Variants in PIP4K2A observed in about 807,000 individuals in gnomAD.
PIP4K2A encodes phosphatidylinositol 5-phosphate 4-kinase type-2 alpha.
A neutral mutation model predicts 42.9 loss-of-function variants in PIP4K2A; 14 were observed. The observed-to-expected ratio is 0.33, with a 90% CI of 0.22 to 0.51. The LOEUF is 0.51. Among genes scored for constraint, PIP4K2A ranks in the 20% least tolerant of loss-of-function variants. PIP4K2A has a pLI of 0.97. For missense variants in PIP4K2A, 434 were observed against 519.8 expected, an observed-to-expected ratio of 0.83 and a Z score of 1.61; for synonymous variants, 192 against 192.2, an observed-to-expected ratio of 1.00 and a Z score of 0.01.
chr10:22,631,558 C>T (rs1001025386), intron 1 of PIP4K2A, among the ~76,000 whole-genome samples: 9 of 152,106 alleles, frequency 5.9e-5, no homozygotes, highest in African/African-American at 1.9e-4. Flanking sequence ...TTATTTAAGC[C>T]GTCCAACTGA....
In PIP4K2A at chr10:22,537,299, AAGG is replaced by A. The variant is rs1057482030; in HGVS notation, c.1141-21_1141-19del. 2 of 1,566,736 alleles carry A rather than the reference AAGG, an allele frequency of 1.3e-6. No individual in the cohort carries two copies. Among genetic ancestry groups the A allele is most frequent in the African/African-American group, 2.7e-5 (2 of 73,450 alleles). ...GCGCCAGCCTGGGCAGTTTTTAAAAAAGGAAATATTGACATAGTGTTTATGATT... is the reference window on the plus strand; with the variant it reads ...GCGCCAGCCTGGGCAGTTTTTAAAAAAAATATTGACATAGTGTTTATGATT... On this transcript the variant is annotated intron_variant, in intron 9 of 9. Coordinates refer to ENST00000376573, the MANE Select transcript of PIP4K2A (RefSeq NM_005028.5).
At chr10:22,595,407 G>A (rs1177039306) in intron 3 of PIP4K2A, among the ~76,000 whole-genome samples, 1 of 152,198 alleles carries the variant, frequency 6.6e-6, no homozygotes, top group Non-Finnish European at 1.5e-5. Flanking sequence ...AAGTAAAATT[G>A]TTTATGTATT....
intron 1 of PIP4K2A, among the ~76,000 whole-genome samples, chr10:22,657,587 G>A (rs1460810095): frequency 6.6e-6 from 1 of 152,176 alleles, no homozygotes. Flanking sequence ...GAAAAAAACA[G>A]GCTGAAACCA....
chr10:22,616,087 T>G (rs1271659718), intron 1 of PIP4K2A, among the ~76,000 whole-genome samples: 1 of 152,108 alleles, frequency 6.6e-6, no homozygotes, highest in Non-Finnish European at 1.5e-5. Flanking sequence ...TAAAGCAGCT[T>G]TGTTGTCTGC....
At chr10:22,683,734 G>A (rs1276217540) in intron 1 of PIP4K2A, among the ~76,000 whole-genome samples, 2 of 151,650 alleles carry the variant, frequency 1.3e-5, no homozygotes, top group Non-Finnish European at 2.9e-5. Flanking sequence ...AGACTGCAGC[G>A]TCCCTCCTGA....
intron 1 of PIP4K2A, among the ~76,000 whole-genome samples, chr10:22,677,751 AAC>A (rs1382905766): frequency 3.0e-4 from 46 of 152,240 alleles, no homozygotes; most frequent in African/African-American, 1.0e-3. Flanking sequence ...GGCAAGCAGT[AAC>A]ACAGATTCTT....
At chr10:22,648,191 G>T (rs940721646) in intron 1 of PIP4K2A, among the ~76,000 whole-genome samples, 4 of 151,924 alleles carry the variant, frequency 2.6e-5, no homozygotes, top group Admixed American at 2.6e-4. Flanking sequence ...TCCTGCAAAG[G>T]TTGTATCTTA....
chr10:22,545,418 G>C (rs962115934), intron 7 of PIP4K2A, among the ~76,000 whole-genome samples: 5 of 152,238 alleles, frequency 3.3e-5, no homozygotes, highest in African/African-American at 1.2e-4. Flanking sequence ...GGACAACTGG[G>C]ACTGGCCAGC....
intron 1 of PIP4K2A, among the ~76,000 whole-genome samples, chr10:22,633,927 C>T (rs1456171701): frequency 1.3e-5 from 2 of 152,186 alleles, no homozygotes; most frequent in Non-Finnish European, 2.9e-5. Flanking sequence ...TGAGGAAAAA[C>T]GGAGTCCACA....
intron 2 of PIP4K2A, among the ~76,000 whole-genome samples, chr10:22,608,829 A>G (rs1304040219): frequency 2.6e-5 from 4 of 152,134 alleles, no homozygotes; most frequent in Non-Finnish European, 5.9e-5. Flanking sequence ...GTGAGATATA[A>G]TTTCACCACT....
chr10:22,640,922 T>C (rs1838771634), intron 1 of PIP4K2A, among the ~76,000 whole-genome samples: 1 of 152,014 alleles, frequency 6.6e-6, no homozygotes, highest in Non-Finnish European at 1.5e-5. Context: ...AAAAAAGTAA[T>C]AAACAGTTCT....
intron 1 of PIP4K2A, among the ~76,000 whole-genome samples, chr10:22,651,203 G>A (rs1838989159): frequency 6.6e-6 from 1 of 152,136 alleles, no homozygotes. Context: ...CACTAAGTCT[G>A]TCCACCAAGC....
chr10:22,671,745 T>TAC (rs143696456), intron 1 of PIP4K2A, among the ~76,000 whole-genome samples: 11,812 of 144,532 alleles, frequency 0.082, 696 homozygotes, highest in African/African-American at 0.18. Flanking sequence ...ACTTGGAAAA[T>TAC]ACACACACAC....
rs201446589 is a variant in PIP4K2A, at chr10:22,545,661, C to T, written c.793-3614G>A. On this transcript the variant is annotated intron_variant, in intron 7 of 9. Coordinates refer to ENST00000376573, the MANE Select transcript of PIP4K2A (RefSeq NM_005028.5). The stretch of plus-strand genomic sequence containing the variant: ...CTAGGTAAGAAGCTGTTCTGAGGCA[C>T]CCAAGAAGACTGAGAAAATTGCAGT... 3.9e-5 allele frequency among the ~76,000 whole-genome samples: 6 copies of T among 152,318 alleles called. No individual in the cohort carries two copies. In the East Asian group the frequency reaches 9.6e-4, roughly 24 times the overall value.
rs56245813 is a variant in PIP4K2A at position 22,572,604 on chromosome 10, C to CAA, written c.639+705_639+706dup. On this transcript the variant is annotated intron_variant, in intron 5 of 9. Transcript: ENST00000376573. Reference sequence around the variant, plus strand: ...TGAGCAACAGAGGAAGACTCTTTCTCAAAAAAAAAAGAAAAGAAAAGAAAA... The same window carrying CAA: ...TGAGCAACAGAGGAAGACTCTTTCTCAAAAAAAAAAAAGAAAAGAAAAGAAAA... Among the ~76,000 whole-genome samples, 808 of 145,448 alleles carry CAA rather than the reference C, an allele frequency of 5.6e-3. 5 individuals carry two copies. Among genetic ancestry groups the CAA allele is most frequent in the African/African-American group, 0.01 (406 of 39,136 alleles).
At chr10:22,711,008 G>C (rs1054956624) in intron 1 of PIP4K2A, among the ~76,000 whole-genome samples, 1 of 152,094 alleles carries the variant, frequency 6.6e-6, no homozygotes, top group Non-Finnish European at 1.5e-5. Flanking sequence ...CTTACTGTTT[G>C]ATCATTTTTA....
intron 1 of PIP4K2A, among the ~76,000 whole-genome samples, chr10:22,669,232 A>G (rs567429850): frequency 6.6e-6 from 1 of 152,316 alleles, no homozygotes; most frequent in African/African-American, 2.4e-5. Flanking sequence ...AGATCAAAAA[A>G]GGAAAGAAGG....
At chr10:22,637,384 C>T (rs907584599) in intron 1 of PIP4K2A, among the ~76,000 whole-genome samples, 9 of 152,186 alleles carry the variant, frequency 5.9e-5, no homozygotes, top group Admixed American at 5.2e-4. Context: ...AAATAAGTGA[C>T]TTATTACTAA....
At chr10:22,565,259 G>A (rs548016210) in intron 6 of PIP4K2A, among the ~76,000 whole-genome samples, 35 of 152,290 alleles carry the variant, frequency 2.3e-4, no homozygotes, top group African/African-American at 7.7e-4. Context: ...CATGCCTACT[G>A]GATATCTCTG....
Sources: allele counts gnomAD v4.1 joint callset (sites outside exome capture counted in the v4.1 genomes callset), GRCh38; gene constraint gnomAD v4.1.1; transcripts MANE v1.5; gene names NCBI Gene and HGNC (gene_info 2026-07-23, HGNC 2026-07-21).